The following CDH20 variants were observed in gnomAD, a reference collection of about 807,000 sequenced individuals.
CDH20 encodes the protein cadherin 20, also known as cadherin-20.
In CDH20, 29 loss-of-function variants were observed where a neutral mutation model predicts 74.2. The ratio of observed to expected loss-of-function variants is 0.39; its 90% CI spans 0.29 to 0.53. The LOEUF is 0.53. Ranked by LOEUF, CDH20 falls within the 20% of genes least tolerant of loss-of-function variation. The pLI is 0.69. For synonymous variants in CDH20, 469 were observed against 405.4 expected, an observed-to-expected ratio of 1.16 and a Z score of -1.88; for missense variants, 988 against 1,048.3, an observed-to-expected ratio of 0.94 and a Z score of 0.79.
chr18:61,512,774 C>A, intron 6 of CDH20, among the ~76,000 whole-genome samples: 1 of 152,054 alleles, frequency 6.6e-6, no homozygotes, highest in Non-Finnish European at 1.5e-5. Flanking sequence ...AGTAGTCATT[C>A]AGGAGCAGGT....
chr18:61,453,291 T>G (rs1005264958), intron 1 of CDH20, among the ~76,000 whole-genome samples: 1 of 152,232 alleles, frequency 6.6e-6, no homozygotes, highest in African/African-American at 2.4e-5. Flanking sequence ...TTTGTTTGTT[T>G]TTTTGAGACG....
chr18:61,363,132 G>A (rs1910754131), intron 1 of CDH20, among the ~76,000 whole-genome samples: 1 of 152,038 alleles, frequency 6.6e-6, no homozygotes, highest in Admixed American at 6.6e-5. Flanking sequence ...TGATTTGTGA[G>A]GAAAAGAAAA....
chr18:61,419,698 T>TA (rs1912811814), intron 1 of CDH20, among the ~76,000 whole-genome samples: 1 of 152,184 alleles, frequency 6.6e-6, no homozygotes, highest in Non-Finnish European at 1.5e-5. Flanking sequence ...CCCATCTTTA[T>TA]AGGTCATGAT....
intron 2 of CDH20, among the ~76,000 whole-genome samples, chr18:61,496,699 CA>C (rs1183094314): frequency 1.3e-5 from 2 of 152,186 alleles, no homozygotes; most frequent in Non-Finnish European, 1.5e-5. Context: ...ACGGAACAAA[CA>C]GTTTTATTTG....
chr18:61,480,117 A>G (rs1051868899), intron 1 of CDH20, among the ~76,000 whole-genome samples: 16 of 152,328 alleles, frequency 1.1e-4, no homozygotes, highest in African/African-American at 3.8e-4. Context: ...GGGAATTACC[A>G]AAGAATAGGT....
At chr18:61,531,230 G>A (rs1044905082) in intron 7 of CDH20, among the ~76,000 whole-genome samples, 4 of 152,210 alleles carry the variant, frequency 2.6e-5, no homozygotes, top group East Asian at 1.9e-4. Context: ...CTCCTGGTGT[G>A]TCAGCCCGGC....
intron 1 of CDH20, among the ~76,000 whole-genome samples, chr18:61,445,807 G>T (rs1310853386): frequency 6.6e-6 from 1 of 152,148 alleles, no homozygotes; most frequent in Non-Finnish European, 1.5e-5. Flanking sequence ...GCTTGGGAGG[G>T]AGGGCTCCTC....
At chr18:61,350,619 G>T (rs1328800537) in intron 1 of CDH20, among the ~76,000 whole-genome samples, 1 of 152,130 alleles carries the variant, frequency 6.6e-6, no homozygotes, top group Non-Finnish European at 1.5e-5. Flanking sequence ...GGTAATATAT[G>T]CTAGTTACTC....
intron 1 of CDH20, among the ~76,000 whole-genome samples, chr18:61,441,792 T>C (rs912651788): frequency 6.6e-6 from 1 of 152,208 alleles, no homozygotes; most frequent in Non-Finnish European, 1.5e-5. Context: ...TAGAAGTATA[T>C]GATCTAGTTT....
At chr18:61,376,361 C>T (rs778719563) in intron 1 of CDH20, among the ~76,000 whole-genome samples, 84 of 152,072 alleles carry the variant, frequency 5.5e-4, no homozygotes, top group Non-Finnish European at 9.1e-4. Context: ...ACCTATCTTG[C>T]TATTTTTTAG....
intron 1 of CDH20, among the ~76,000 whole-genome samples, chr18:61,380,829 A>C (rs1911412405): frequency 6.6e-6 from 1 of 151,446 alleles, no homozygotes; most frequent in Admixed American, 6.6e-5. Context: ...CAAAAAAAAG[A>C]CTCAAGATTT....
At chr18:61,392,663 G>A (rs74530643) in intron 1 of CDH20, among the ~76,000 whole-genome samples, 1,662 of 152,070 alleles carry the variant, frequency 0.011, 30 homozygotes, top group African/African-American at 0.038. Context: ...AGAGACTGAC[G>A]TGATCAGACA....
At chr18:61,422,626 C>T (rs1466161658) in intron 1 of CDH20, among the ~76,000 whole-genome samples, 1 of 151,988 alleles carries the variant, frequency 6.6e-6, no homozygotes, top group Non-Finnish European at 1.5e-5. Flanking sequence ...TTTTACTCAG[C>T]ATGGGAGCCA....
chr18:61,489,440 T>C (rs1055583960), intron 1 of CDH20, among the ~76,000 whole-genome samples: 1 of 151,978 alleles, frequency 6.6e-6, no homozygotes, highest in Admixed American at 6.6e-5. Flanking sequence ...ATTTTGGTTG[T>C]CTTGACAGGT....
chr18:61,550,346 A>T (rs1913390285), intron 11 of CDH20, 117 bp downstream of exon 11: 2 of 1,276,248 alleles, frequency 1.6e-6, no homozygotes, highest in African/African-American at 3.0e-5. Context: ...TGCTTACTCA[A>T]AAGGTGGTAG....
At chr18:61,433,165 A>G (rs1370622058) in intron 1 of CDH20, among the ~76,000 whole-genome samples, 1 of 152,182 alleles carries the variant, frequency 6.6e-6, no homozygotes, top group Admixed American at 6.6e-5. Flanking sequence ...ATAATAAAAT[A>G]TCACATTATT....
intron 1 of CDH20, among the ~76,000 whole-genome samples, chr18:61,384,731 A>T (rs1002165440): frequency 6.6e-6 from 1 of 152,214 alleles, no homozygotes; most frequent in Non-Finnish European, 1.5e-5. Context: ...GATTATTAAA[A>T]GCCCAACATT....
At position 61,545,108 on chromosome 18, in the gene CDH20, G is replaced by A; in HGVS notation, c.1612G>A (p.Ala538Thr). ...HFYYSLAPEA[A>T]NNPNFTIRDN... is the part of the protein sequence containing the mutation. The stretch of plus-strand genomic sequence containing the variant: ...CTACTACAGCTTGGCTCCTGAGGCT[G>A]CTAACAACCCCAACTTTACCATAAG... The change falls in exon 10 of 12, where the codon GCT becomes ACT. Residue 538 changes from alanine to threonine, a missense_variant. Ala to Thr is a moderately conservative substitution (Grantham distance 58). This residue lies in a region of CDH20 where 613 missense variants were observed against 755.2 expected (regional missense o/e 0.81). Coordinates refer to ENST00000262717, the MANE Select transcript of CDH20 (RefSeq NM_031891.4). 1 of 1,613,634 alleles carries A rather than the reference G, an allele frequency of 6.2e-7. No homozygotes were observed. Among genetic ancestry groups the A allele is most frequent in the Non-Finnish European group, 8.5e-7 (1 of 1,179,604 alleles).
chr18:61,550,159 C>G lies in CDH20; in HGVS notation c.1830C>G (p.Ala610=). ...DGHVMSCSPE[A]YMLPVSLSRG... ...ACGTCATGTCCTGCAGCCCAGAGGC[C>G]TACATGCTCCCAGTCAGTTTGAGCC... Residue 610 remains alanine, a synonymous_variant, in exon 11 of 12, where the codon GCC becomes GCG. Transcript: ENST00000262717. 6.2e-7 allele frequency: 1 copy of G among 1,614,166 alleles called. No individual in the cohort carries two copies.
Sources: gnomAD v4.1 joint callset for allele counts (sites outside exome capture counted in the v4.1 genomes callset) on GRCh38, gnomAD v4.1.1 for gene constraint, gnomAD v4.1.1 regional missense constraint, MANE v1.5 for transcripts, NCBI Gene and HGNC (gene_info 2026-07-23, HGNC 2026-07-21) for gene names.